AIG1: variants seen among roughly 807,000 people sequenced by gnomAD.
The protein encoded by AIG1 is androgen induced 1, also known as androgen-induced gene 1 protein.
A neutral mutation model predicts 31.4 loss-of-function variants in AIG1; 23 were observed. The ratio of observed to expected loss-of-function variants is 0.73; its 90% CI spans 0.53 to 1.04. The LOEUF (loss-of-function observed/expected upper bound fraction) is 1.04. AIG1 is among the 50% of genes least tolerant of loss of function. The pLI, the probability that AIG1 is intolerant of heterozygous loss-of-function variation, is 0.00. For synonymous variants in AIG1, 100 were observed against 110.5 expected, an observed-to-expected ratio of 0.90 and a Z score of 0.60; for missense variants, 274 against 295.0, an observed-to-expected ratio of 0.93 and a Z score of 0.52.
chr6:143,163,265 T>A (rs950267666), intron 2 of AIG1, among the ~76,000 whole-genome samples: 1 of 152,186 alleles, frequency 6.6e-6, no homozygotes, highest in Non-Finnish European at 1.5e-5. Context: ...GAAAACAGAA[T>A]GGCTATCTTT....
intron 1 of AIG1, among the ~76,000 whole-genome samples, chr6:143,089,307 G>A (rs932714033): frequency 6.6e-6 from 1 of 152,010 alleles, no homozygotes; most frequent in East Asian, 1.9e-4. Flanking sequence ...CCTATGATAT[G>A]AGGAATATAT....
rs1434223758 is a variant in AIG1 at position 143,326,695 on chromosome 6, T to C, written c.516-6587T>C. ...GGGGAGACTTTCCCGGAGTAAGTGA[T>C]AATTGATCAGTTGTACCAGTTGAGC... On this transcript the variant is annotated intron_variant, in intron 4 of 5. Transcript: ENST00000357847. This position sits in a 1 kb window ranked among gnomAD's most constrained non-coding sequence, Gnocchi z 4.5. Among the ~76,000 whole-genome samples the C allele has an allele frequency of 6.6e-6, 1 of 152,202 alleles. No homozygotes were observed. Among genetic ancestry groups the C allele is most frequent in the East Asian group, 1.9e-4 (1 of 5,200 alleles).
intron 4 of AIG1, among the ~76,000 whole-genome samples, chr6:143,308,954 T>C (rs72996201): frequency 1.2e-3 from 188 of 151,812 alleles, no homozygotes; most frequent in Non-Finnish European, 2.4e-3. Context: ...ATTTAAAAAA[T>C]ATATTTAAAA....
At chr6:143,257,113 G>A (rs74946313) in intron 3 of AIG1, among the ~76,000 whole-genome samples, 4,750 of 152,304 alleles carry the variant, frequency 0.031, 281 homozygotes, top group Admixed American at 0.16. Context: ...AAGCTCCCAT[G>A]TCATTTTTGC....
Position 143,330,579 on chromosome 6 carries a change from G to T in AIG1, c.516-2703G>T, listed in dbSNP as rs993006369. On this transcript the variant is annotated intron_variant, in intron 4 of 5. Coordinates refer to ENST00000357847, the MANE Select transcript of AIG1 (RefSeq NM_016108.4). This position sits in a 1 kb window ranked among gnomAD's most constrained non-coding sequence, Gnocchi z 4.4. ...GAAAAGTGCGGGGTAGGGCCTTGAA[G>T]AACCATCTAGGGACTCTGGCTTGTA... is the stretch of plus-strand genomic sequence containing the variant. Among the ~76,000 whole-genome samples, 7 of 152,134 alleles carry T rather than the reference G, an allele frequency of 4.6e-5. No homozygotes were observed. The highest frequency in any genetic ancestry group is 8.8e-5 in the Non-Finnish European group (6 of 68,026).
At chr6:143,113,685 C>T (rs1781487219) in intron 1 of AIG1, among the ~76,000 whole-genome samples, 1 of 152,036 alleles carries the variant, frequency 6.6e-6, no homozygotes, top group South Asian at 2.1e-4. Context: ...ATGAAACTTA[C>T]TGGAACGACT....
At chr6:143,243,263 A>G (rs1344857714) in intron 3 of AIG1, among the ~76,000 whole-genome samples, 1 of 152,242 alleles carries the variant, frequency 6.6e-6, no homozygotes, top group Non-Finnish European at 1.5e-5. Context: ...TTGGAATTAT[A>G]ATAAGACATT....
rs181350572 is a variant in AIG1, at chr6:143,332,570, G to T, written c.516-712G>T. On this transcript the variant is annotated intron_variant, in intron 4 of 5. Transcript: ENST00000357847. ...GAGTGGGAAGCTGGTACCTGCTAGG[G>T]TATGCATGGTTGTGTCAGCATATGG... 2.0e-5 allele frequency among the ~76,000 whole-genome samples: 3 copies of T among 152,298 alleles called. No homozygotes were observed. In the East Asian group the frequency reaches 5.8e-4, roughly 29 times the overall value.
chr6:143,328,874 T>TAA lies in AIG1; in HGVS notation c.516-4405_516-4404dup, dbSNP rs547756397. 5.5e-4 allele frequency among the ~76,000 whole-genome samples: 84 copies of TAA among 152,292 alleles called. No individual in the cohort carries two copies. In the South Asian group the frequency reaches 0.013, roughly 23 times the overall value. ...GGTTATTGATTTCTTAAGCTAAAAT[T>TAA]AAAATTGGTACCATGACCATAAGCA... On this transcript the variant is annotated intron_variant, in intron 4 of 5. Coordinates refer to ENST00000357847, the MANE Select transcript of AIG1 (RefSeq NM_016108.4). The surrounding 1 kb of genome is among the most constrained non-coding windows in gnomAD (Gnocchi z 4.0).
chr6:143,270,305 T>G lies in AIG1; in HGVS notation c.400-13805T>G, dbSNP rs113112511. Among the ~76,000 whole-genome samples, 366 of 152,306 alleles carry G rather than the reference T, an allele frequency of 2.4e-3. 4 individuals carry two copies. Among genetic ancestry groups the G allele is most frequent in the South Asian group, 0.012 (60 of 4,818 alleles). On this transcript the variant is annotated intron_variant, in intron 3 of 5. Transcript: ENST00000357847. ...TGACCACAGAATCATCCAGGCAGCC[T>G]AAGCAAGATATGCAATGTACAGGGA...
chr6:143,116,200 A>T (rs77623962), intron 1 of AIG1, among the ~76,000 whole-genome samples: 7,923 of 152,234 alleles, frequency 0.052, 618 homozygotes, highest in African/African-American at 0.17. Context: ...TGATAAAGCC[A>T]GACTGTGCCC....
intron 3 of AIG1, among the ~76,000 whole-genome samples, chr6:143,170,607 C>A (rs1244895970): frequency 7.0e-6 from 1 of 142,836 alleles, no homozygotes; most frequent in African/African-American, 2.6e-5. Flanking sequence ...TTTTGTTGAT[C>A]TTTTGAAATT....
intron 1 of AIG1, among the ~76,000 whole-genome samples, chr6:143,108,393 A>G (rs906548460): frequency 6.6e-6 from 1 of 152,190 alleles, no homozygotes; most frequent in African/African-American, 2.4e-5. Context: ...TCTCCTGACC[A>G]CGATGGTCAA....
chr6:143,082,755 G>A (rs1251836791), intron 1 of AIG1, among the ~76,000 whole-genome samples: 4 of 152,140 alleles, frequency 2.6e-5, no homozygotes, highest in Non-Finnish European at 5.9e-5. Context: ...TATGCCACGG[G>A]TTGCAAGCTG....
chr6:143,193,095 C>G (rs1373151382), intron 3 of AIG1, among the ~76,000 whole-genome samples: 1 of 152,190 alleles, frequency 6.6e-6, no homozygotes, highest in Non-Finnish European at 1.5e-5. Context: ...GCACTTTCTG[C>G]CCATCTAAAC....
intron 3 of AIG1, among the ~76,000 whole-genome samples, chr6:143,179,025 G>GGA (rs1424543754): frequency 6.6e-6 from 1 of 152,104 alleles, no homozygotes; most frequent in African/African-American, 2.4e-5. Context: ...GATGGGGAGG[G>GGA]GAGAGAGAGA....
chr6:143,208,479 T>G (rs1008952942), intron 3 of AIG1, among the ~76,000 whole-genome samples: 1 of 152,150 alleles, frequency 6.6e-6, no homozygotes, highest in Non-Finnish European at 1.5e-5. Context: ...AACTCTGTTA[T>G]ATAATCAGGG....
chr6:143,206,852 C>G (rs1054511425), intron 3 of AIG1, among the ~76,000 whole-genome samples: 2 of 152,092 alleles, frequency 1.3e-5, no homozygotes, highest in South Asian at 4.1e-4. Flanking sequence ...TGGAGGCCAA[C>G]TTAAATGAGC....
At chr6:143,152,774 C>T (rs1162827820) in intron 2 of AIG1, among the ~76,000 whole-genome samples, 4 of 152,186 alleles carry the variant, frequency 2.6e-5, no homozygotes, top group Non-Finnish European at 5.9e-5. Flanking sequence ...CACACCCTAC[C>T]CTCTCACAAT....
Sources: allele counts gnomAD v4.1 joint callset (sites outside exome capture counted in the v4.1 genomes callset), GRCh38; gene constraint gnomAD v4.1.1; non-coding constraint Gnocchi (gnomAD v3.1); transcripts MANE v1.5; gene names NCBI Gene and HGNC (gene_info 2026-07-23, HGNC 2026-07-21).